The following RSPO2 variants were observed in gnomAD, a reference collection of about 807,000 sequenced individuals.
RSPO2 encodes the protein R-spondin 2.
In RSPO2, 14 loss-of-function variants were observed where a neutral mutation model predicts 30.9. The observed-to-expected ratio is 0.45, with a 90% CI of 0.30 to 0.71. RSPO2 has a LOEUF of 0.71. Among genes scored for constraint, RSPO2 ranks in the 30% least tolerant of loss-of-function variants. RSPO2 has a pLI of 0.08. For missense variants in RSPO2, 264 were observed against 301.9 expected (o/e 0.87, Z 0.93); for synonymous variants, 107 against 96.4 (o/e 1.11, Z -0.64).
intron 3 of RSPO2, among the ~76,000 whole-genome samples, chr8:107,984,484 C>T (rs1439358420): frequency 6.6e-6 from 1 of 152,130 alleles, no homozygotes; most frequent in Non-Finnish European, 1.5e-5. Flanking sequence ...ACTATATGTG[C>T]CACACTTTGC....
intron 5 of RSPO2, among the ~76,000 whole-genome samples, chr8:107,935,301 A>G (rs1055498164): frequency 6.6e-6 from 1 of 152,132 alleles, no homozygotes; most frequent in African/African-American, 2.4e-5. Flanking sequence ...TTTTCAGAAG[A>G]TATATATTAA....
chr8:108,069,979 C>A (rs990604037), intron 2 of RSPO2, among the ~76,000 whole-genome samples: 13 of 152,250 alleles, frequency 8.5e-5, no homozygotes, highest in South Asian at 2.1e-4. Context: ...ATGGTATAAC[C>A]CATGCTGATT....
At chr8:108,082,140 A>G (rs1366757429) in intron 2 of RSPO2, among the ~76,000 whole-genome samples, 1 of 152,120 alleles carries the variant, frequency 6.6e-6, no homozygotes, top group African/African-American at 2.4e-5. Context: ...AGATAAAACA[A>G]ATGAGCTACA....
At chr8:107,961,429 G>C (rs1180675156) in intron 3 of RSPO2, among the ~76,000 whole-genome samples, 2 of 152,078 alleles carry the variant, frequency 1.3e-5, no homozygotes, top group African/African-American at 4.8e-5. Flanking sequence ...CTACAGCTGG[G>C]CAGTAGAAAC....
At chr8:107,944,354 ATT>A (rs1812989210) in intron 5 of RSPO2, among the ~76,000 whole-genome samples, 3 of 152,180 alleles carry the variant, frequency 2.0e-5, no homozygotes, top group Admixed American at 2.0e-4. Context: ...CTTATACTAT[ATT>A]TAAGTATATA....
chr8:107,985,765 CAT>C (rs1814602547), intron 3 of RSPO2, among the ~76,000 whole-genome samples: 1 of 152,114 alleles, frequency 6.6e-6, no homozygotes, highest in Non-Finnish European at 1.5e-5. Context: ...TAACATCTAA[CAT>C]AGTATCAGGG....
intron 2 of RSPO2, among the ~76,000 whole-genome samples, chr8:108,049,640 G>A (rs1279481944): frequency 3.3e-5 from 5 of 151,954 alleles, no homozygotes; most frequent in African/African-American, 9.7e-5. Flanking sequence ...ACTTATGGGT[G>A]AGAACATGCG....
At chr8:107,922,671 C>G (rs1812214260) in intron 5 of RSPO2, among the ~76,000 whole-genome samples, 1 of 152,082 alleles carries the variant, frequency 6.6e-6, no homozygotes, top group Admixed American at 6.6e-5. Context: ...AAGCTGGAGG[C>G]ATCACACTAC....
chr8:107,988,986 A>C, intron 3 of RSPO2, 70 bp downstream of exon 3: 1 of 1,362,248 alleles, frequency 7.3e-7, no homozygotes, highest in South Asian at 1.4e-5. Flanking sequence ...AATCATTCAA[A>C]ATCTTCAACT....
intron 2 of RSPO2, among the ~76,000 whole-genome samples, chr8:107,995,817 G>A (rs1177684743): frequency 1.3e-5 from 2 of 151,948 alleles, no homozygotes; most frequent in Non-Finnish European, 2.9e-5. Context: ...TAGTTATGAA[G>A]TCCCAACCCT....
chr8:107,983,993 G>A lies in RSPO2; in HGVS notation c.283+5063C>T, dbSNP rs867092717. On this transcript the variant is annotated intron_variant, in intron 3 of 5. Coordinates refer to ENST00000276659, the MANE Select transcript of RSPO2 (RefSeq NM_178565.5). ...TTGAAATAGAAGGCCACCAAAAGGGGAAAAGAGGAAATAATACAGTAATCG... is the reference window on the plus strand; with the variant it reads ...TTGAAATAGAAGGCCACCAAAAGGGAAAAAGAGGAAATAATACAGTAATCG... The A allele has an allele frequency of 2.9e-5, 21 of 725,188 alleles. No homozygotes were observed. In the Middle Eastern group the frequency reaches 2.0e-3, roughly 67 times the overall value. The allele number at this position is 725,188 out of a possible 1,614,324, so 44.9% of individuals were successfully genotyped here.
chr8:107,948,734 C>T (rs1192260159), intron 5 of RSPO2, among the ~76,000 whole-genome samples: 3 of 151,926 alleles, frequency 2.0e-5, no homozygotes, highest in Non-Finnish European at 4.4e-5. Flanking sequence ...GTGGCGGGTG[C>T]CTGTGGTCCC....
intron 2 of RSPO2, among the ~76,000 whole-genome samples, chr8:107,999,059 C>A (rs922019823): frequency 1.3e-5 from 2 of 152,054 alleles, no homozygotes; most frequent in Non-Finnish European, 2.9e-5. Context: ...ATAAAAATAA[C>A]CCATATTTTC....
chr8:107,964,008 G>A (rs1200031642), intron 3 of RSPO2, among the ~76,000 whole-genome samples: 1 of 152,134 alleles, frequency 6.6e-6, no homozygotes, highest in African/African-American at 2.4e-5. Flanking sequence ...CAAATTGTAA[G>A]GGGAAAAAAC....
intron 5 of RSPO2, among the ~76,000 whole-genome samples, chr8:107,919,664 C>T (rs1412019862): frequency 1.3e-5 from 2 of 152,076 alleles, no homozygotes; most frequent in Non-Finnish European, 2.9e-5. Flanking sequence ...GGAACTGACT[C>T]AGCACAAGAT....
At chr8:107,949,323 A>G (rs974867772) in intron 5 of RSPO2, among the ~76,000 whole-genome samples, 1 of 152,190 alleles carries the variant, frequency 6.6e-6, no homozygotes, top group Non-Finnish European at 1.5e-5. Flanking sequence ...GGTTGCTGCA[A>G]ATGCCATTAT....
intron 2 of RSPO2, among the ~76,000 whole-genome samples, chr8:108,053,163 A>C (rs1345520137): frequency 2.0e-5 from 3 of 152,086 alleles, no homozygotes; most frequent in Non-Finnish European, 2.9e-5. Flanking sequence ...GCCACTCCAC[A>C]ATCTGTCCTC....
At chr8:107,974,082 C>T (rs1480330288) in intron 3 of RSPO2, among the ~76,000 whole-genome samples, 1 of 152,108 alleles carries the variant, frequency 6.6e-6, no homozygotes, top group Admixed American at 6.5e-5. Context: ...GAATGGGTAA[C>T]CTGCCTACAG....
At chr8:108,014,824 T>A (rs1189145728) in intron 2 of RSPO2, among the ~76,000 whole-genome samples, 1 of 144,506 alleles carries the variant, frequency 6.9e-6, no homozygotes, top group Non-Finnish European at 1.5e-5. Flanking sequence ...TGCCCATGTG[T>A]CCCAGAACTT....
Sources: gnomAD v4.1 joint callset for allele counts (sites outside exome capture counted in the v4.1 genomes callset) on GRCh38, gnomAD v4.1.1 for gene constraint, MANE v1.5 for transcripts, NCBI Gene and HGNC (gene_info 2026-07-23, HGNC 2026-07-21) for gene names.